UGT8: variants seen among roughly 807,000 people sequenced by gnomAD.
The protein encoded by UGT8 is UDP glycosyltransferase 8, also known as 2-hydroxyacylsphingosine 1-beta-galactosyltransferase.
UGT8 carries 12 observed loss-of-function variants against 40.5 expected under a neutral mutation model. That is an observed-to-expected ratio of 0.30 (90% CI 0.19 to 0.48). UGT8 has a LOEUF of 0.48. Ranked by LOEUF, UGT8 falls within the 20% of genes least tolerant of loss-of-function variation. UGT8 has a pLI of 0.99. For missense variants in UGT8, 513 were observed against 648.7 expected, an observed-to-expected ratio of 0.79 and a Z score of 2.27; for synonymous variants, 224 against 240.4, an observed-to-expected ratio of 0.93 and a Z score of 0.63.
At chr4:114,600,699 T>G (rs1730392947) in intron 1 of UGT8, among the ~76,000 whole-genome samples, 1 of 152,180 alleles carries the variant, frequency 6.6e-6, no homozygotes, top group Admixed American at 6.5e-5. Context: ...CAGGAGATTT[T>G]AAAATTAGAG....
At chr4:114,624,984 G>C (rs1464951118) in intron 2 of UGT8, among the ~76,000 whole-genome samples, 2 of 152,128 alleles carry the variant, frequency 1.3e-5, no homozygotes, top group South Asian at 2.1e-4. Context: ...TTCTCTGGCA[G>C]AGTCACCTTC....
chr4:114,607,945 T>A (rs1391182648), intron 1 of UGT8, among the ~76,000 whole-genome samples: 2 of 152,208 alleles, frequency 1.3e-5, no homozygotes, highest in Non-Finnish European at 2.9e-5. Context: ...CACTTGTCCT[T>A]ACTGACCCAC....
intron 2 of UGT8, among the ~76,000 whole-genome samples, chr4:114,651,780 A>G (rs1203832607): frequency 6.6e-6 from 1 of 152,154 alleles, no homozygotes; most frequent in African/African-American, 2.4e-5. Context: ...CTAAATTATC[A>G]TGTATAACAA....
At position 114,668,318 on chromosome 4, in the gene UGT8, T is replaced by C; in HGVS notation, c.1262+14T>C. ...CAATAATCCCAGGTAAGGTTTCAATTAACATTAAAGCTGATGAACTTACAT... is the reference window on the plus strand; with the variant it reads ...CAATAATCCCAGGTAAGGTTTCAATCAACATTAAAGCTGATGAACTTACAT... On this transcript the variant is annotated intron_variant, in intron 5 of 5. Transcript: ENST00000310836. The C allele has an allele frequency of 6.2e-7, 1 of 1,609,118 alleles. No homozygotes were observed. Among genetic ancestry groups the C allele is most frequent in the Non-Finnish European group, 8.5e-7 (1 of 1,176,006 alleles).
chr4:114,605,018 C>T (rs1394164874), intron 1 of UGT8, among the ~76,000 whole-genome samples: 5 of 151,932 alleles, frequency 3.3e-5, no homozygotes, highest in Admixed American at 3.3e-4. Context: ...TCTTCTAGTT[C>T]CATGTTGTAT....
intron 5 of UGT8, among the ~76,000 whole-genome samples, chr4:114,672,040 A>G (rs1735323071): frequency 1.3e-5 from 2 of 152,258 alleles, no homozygotes; most frequent in African/African-American, 4.8e-5. Flanking sequence ...AAAAGAAGAC[A>G]CTTATGTGGC....
chr4:114,668,713 T>G (rs960958980), intron 5 of UGT8, among the ~76,000 whole-genome samples: 1 of 152,198 alleles, frequency 6.6e-6, no homozygotes, highest in Non-Finnish European at 1.5e-5. Context: ...GCAATTGTAG[T>G]TGAAATTAGA....
intron 2 of UGT8, among the ~76,000 whole-genome samples, chr4:114,628,331 G>C (rs1488331242): frequency 3.9e-5 from 6 of 151,996 alleles, no homozygotes; most frequent in South Asian, 2.1e-4. Flanking sequence ...GTAGAGACAG[G>C]GTTTCGATAT....
intron 3 of UGT8, 164 bp from the exon 4 acceptor site, chr4:114,665,516 A>C: frequency 1.0e-6 from 1 of 956,328 alleles, no homozygotes; most frequent in South Asian, 4.8e-5. Flanking sequence ...TATTAAAAAG[A>C]AACTTAATCA....
chr4:114,643,968 C>T (rs1733389798), intron 2 of UGT8, among the ~76,000 whole-genome samples: 1 of 152,108 alleles, frequency 6.6e-6, no homozygotes, highest in South Asian at 2.1e-4. Context: ...TGTGACCTCG[C>T]GTGTGAACAA....
At chr4:114,667,164 C>T (rs1309057398) in intron 4 of UGT8, among the ~76,000 whole-genome samples, 4 of 152,152 alleles carry the variant, frequency 2.6e-5, no homozygotes, top group Non-Finnish European at 5.9e-5. Flanking sequence ...ACCAATTCCA[C>T]CAGTCTTCAG....
intron 1 of UGT8, among the ~76,000 whole-genome samples, chr4:114,618,558 A>G (rs1032653481): frequency 6.6e-6 from 1 of 152,186 alleles, no homozygotes; most frequent in Non-Finnish European, 1.5e-5. Flanking sequence ...GAGAAAAGGA[A>G]TGGAAACACT....
At chr4:114,627,120 G>A (rs1230604576) in intron 2 of UGT8, among the ~76,000 whole-genome samples, 1 of 152,118 alleles carries the variant, frequency 6.6e-6, no homozygotes, top group African/African-American at 2.4e-5. Context: ...GAAGAATTCT[G>A]AGTTGGATCA....
At position 114,676,047 on chromosome 4, in the gene UGT8, C is replaced by G; in HGVS notation, c.1385C>G (p.Ala462Gly). ...CACAATGGAGCCCATCACCTACGTGCCGCTGTCCATCAGATCTCCTTTTGT... is the reference window on the plus strand; with the variant it reads ...CACAATGGAGCCCATCACCTACGTGGCGCTGTCCATCAGATCTCCTTTTGT... ...IRHNGAHHLR[A>G]AVHQISFCQY... Residue 462 changes from alanine (A) to glycine (G), a missense_variant, in exon 6 of 6, where the codon GCC (alanine) becomes GGC (glycine). By Grantham distance (60) the Ala-to-Gly change is moderately conservative (BLOSUM62 0). This residue lies in a region of UGT8 where 175 missense variants were observed against 186.7 expected (regional missense o/e 0.94). Coordinates refer to ENST00000310836, the MANE Select transcript of UGT8 (RefSeq NM_001128174.3). 1 of 1,614,180 alleles carries G rather than the reference C, an allele frequency of 6.2e-7. No individual in the cohort carries two copies. The highest frequency in any genetic ancestry group is 1.3e-5 in the African/African-American group (1 of 75,032).
At chr4:114,622,157 A>C (rs1452392394) in intron 1 of UGT8, among the ~76,000 whole-genome samples, 2 of 128,982 alleles carry the variant, frequency 1.6e-5, no homozygotes, top group South Asian at 5.0e-4. Context: ...TCCTGTGTCC[A>C]TGTGTTCCCA....
chr4:114,634,092 G>C (rs1381386371), intron 2 of UGT8, among the ~76,000 whole-genome samples: 1 of 152,168 alleles, frequency 6.6e-6, no homozygotes, highest in African/African-American at 2.4e-5. Context: ...ATAATTCCAA[G>C]TATATTTGGG....
At chr4:114,614,514 T>G (rs974616244) in intron 1 of UGT8, among the ~76,000 whole-genome samples, 1 of 152,178 alleles carries the variant, frequency 6.6e-6, no homozygotes, top group Non-Finnish European at 1.5e-5. Context: ...AAAGCAATAT[T>G]TTAAAAGCAA....
intron 2 of UGT8, among the ~76,000 whole-genome samples, chr4:114,632,671 G>A (rs1578426277): frequency 6.6e-6 from 1 of 152,116 alleles, no homozygotes; most frequent in Non-Finnish European, 1.5e-5. Context: ...AAAAACATTA[G>A]GTTCTAAGGA....
At chr4:114,619,684 A>G (rs1245580815) in intron 1 of UGT8, among the ~76,000 whole-genome samples, 1 of 151,934 alleles carries the variant, frequency 6.6e-6, no homozygotes, top group African/African-American at 2.4e-5. Flanking sequence ...CATTATATGA[A>G]TGAATGACAG....
Sources: allele counts gnomAD v4.1 joint callset (sites outside exome capture counted in the v4.1 genomes callset), GRCh38; gene constraint gnomAD v4.1.1; regional missense constraint gnomAD v4.1.1; transcripts MANE v1.5; gene names NCBI Gene and HGNC (gene_info 2026-07-23, HGNC 2026-07-21).